Variants in EZH2 observed in about 807,000 individuals in gnomAD.
The protein encoded by EZH2 is enhancer of zeste 2 polycomb repressive complex 2 subunit, also known as histone-lysine N-methyltransferase EZH2.
A neutral mutation model predicts 98.4 loss-of-function variants in EZH2; 18 were observed. That is an observed-to-expected ratio of 0.18 (90% confidence interval 0.13 to 0.27). The LOEUF (loss-of-function observed/expected upper bound fraction) is 0.27, where lower values mean the gene tolerates loss of function less well. Among genes scored for constraint, EZH2 ranks in the 10% least tolerant of loss-of-function variants. The probability of loss-of-function intolerance (pLI) is 1.00; values close to 1 mark genes in which losing one functional copy is unlikely to be tolerated. For missense variants in EZH2, 470 were observed against 935.1 expected (o/e 0.50, Z 6.49); for synonymous variants, 338 against 312.3 (o/e 1.08, Z -0.87).
intron 4 of EZH2, among the ~76,000 whole-genome samples, chr7:148,832,410 G>A (rs1331192530): frequency 6.6e-6 from 1 of 152,052 alleles, no homozygotes; most frequent in Non-Finnish European, 1.5e-5. Flanking sequence ...CCTAGGTATG[G>A]TTACTGCTTA....
chr7:148,826,834 A>G (rs1228459446), intron 7 of EZH2, among the ~76,000 whole-genome samples: 1 of 152,252 alleles, frequency 6.6e-6, no homozygotes, highest in African/African-American at 2.4e-5. Flanking sequence ...ATTCAAATAT[A>G]TCATGGAAAA....
chr7:148,880,145 T>C (rs995522970), intron 1 of EZH2, among the ~76,000 whole-genome samples: 4 of 152,168 alleles, frequency 2.6e-5, no homozygotes, highest in Non-Finnish European at 5.9e-5. Context: ...CACAAATTTG[T>C]CATATTTTTA....
intron 1 of EZH2, chr7:148,876,043 G>C (rs1355057647): frequency 6.6e-6 from 1 of 152,046 alleles, no homozygotes; most frequent in Non-Finnish European, 1.5e-5. Flanking sequence ...ACATGCCTGT[G>C]GTCCTAGCTA....
In EZH2 at chr7:148,860,764, T is replaced by C. The variant is rs190682424; in HGVS notation, c.-7-13459A>G. On this transcript the variant is annotated intron_variant, in intron 1 of 19. Coordinates refer to ENST00000320356, the MANE Select transcript of EZH2 (RefSeq NM_004456.5). ...ACGGCTCACTACAGCCTCGCCCTCC[T>C]GGGCTTAGGTGATCCTCTCATCTCA... 5.7e-3 allele frequency among the ~76,000 whole-genome samples: 864 copies of C among 152,272 alleles called. 12 individuals are homozygous for C. Among genetic ancestry groups the C allele is most frequent in the African/African-American group, 0.019 (781 of 41,552 alleles).
intron 1 of EZH2, among the ~76,000 whole-genome samples, chr7:148,874,165 C>A (rs116787988): frequency 6.6e-6 from 1 of 152,160 alleles, no homozygotes; most frequent in Non-Finnish European, 1.5e-5. Context: ...ATGGGAACAT[C>A]GCTTGAGCTC....
intron 1 of EZH2, among the ~76,000 whole-genome samples, chr7:148,862,465 A>G (rs1026113740): frequency 1.3e-5 from 2 of 152,182 alleles, no homozygotes; most frequent in African/African-American, 4.8e-5. Flanking sequence ...GAAAGCCCAA[A>G]TGTTCTCTCT....
intron 1 of EZH2, among the ~76,000 whole-genome samples, chr7:148,872,526 G>C (rs976936264): frequency 6.6e-6 from 1 of 152,160 alleles, no homozygotes; most frequent in African/African-American, 2.4e-5. Flanking sequence ...GTTTGATTTA[G>C]AAACTACATG....
intron 9 of EZH2, 129 bp downstream of exon 9, chr7:148,819,467 G>C (rs1442830702): frequency 7.3e-6 from 5 of 686,984 alleles, no homozygotes; most frequent in African/African-American, 1.8e-5. Flanking sequence ...GCATGGGTGA[G>C]AAAGCTCTGT....
intron 12 of EZH2, among the ~76,000 whole-genome samples, chr7:148,816,107 CT>C (rs541460376): frequency 1.1e-3 from 162 of 152,260 alleles, no homozygotes; most frequent in Non-Finnish European, 1.4e-3. Context: ...AATTAGGTTT[CT>C]CATTTTTAAA....
chr7:148,856,800 A>G (rs1045906952), intron 1 of EZH2, among the ~76,000 whole-genome samples: 19 of 152,382 alleles, frequency 1.2e-4, no homozygotes, highest in Admixed American at 7.8e-4. Flanking sequence ...TCATGAGTCT[A>G]TGATATAAAT....
chr7:148,874,217 T>C (rs1563074562), intron 1 of EZH2, among the ~76,000 whole-genome samples: 4 of 152,084 alleles, frequency 2.6e-5, no homozygotes, highest in African/African-American at 9.7e-5. Context: ...TGAAACTCTG[T>C]CTCTAACAAA....
At chr7:148,838,158 T>G (rs1308106634) in intron 3 of EZH2, among the ~76,000 whole-genome samples, 1 of 141,676 alleles carries the variant, frequency 7.1e-6, no homozygotes, top group Non-Finnish European at 1.5e-5. Context: ...AGCCTCAAAC[T>G]CCTGGGCTCA....
chr7:148,867,320 C>A (rs1489129066), intron 1 of EZH2, among the ~76,000 whole-genome samples: 1 of 152,006 alleles, frequency 6.6e-6, no homozygotes, highest in Non-Finnish European at 1.5e-5. Flanking sequence ...GAGCAAAACT[C>A]CCATCTCAAA....
intron 8 of EZH2, among the ~76,000 whole-genome samples, chr7:148,826,179 A>C (rs964040572): frequency 5.3e-5 from 8 of 152,156 alleles, no homozygotes; most frequent in Admixed American, 1.3e-4. Flanking sequence ...TTTTATTGTA[A>C]AACAACTGCT....
At chr7:148,868,688 G>C (rs1773874077) in intron 1 of EZH2, among the ~76,000 whole-genome samples, 2 of 152,138 alleles carry the variant, frequency 1.3e-5, no homozygotes, top group Admixed American at 1.3e-4. Flanking sequence ...ATAGCCTCTA[G>C]GGTAGAAAAA....
At chr7:148,855,016 T>C (rs2129487131) in intron 1 of EZH2, among the ~76,000 whole-genome samples, 1 of 152,340 alleles carries the variant, frequency 6.6e-6, no homozygotes, top group Middle Eastern at 3.4e-3. Context: ...ATAGAAAACC[T>C]GTCCCTGTAA....
rs1393743486 is a variant in EZH2 at position 148,809,211 on chromosome 7, C to A, written c.2111-56G>T. On this transcript the variant is annotated intron_variant, in intron 18 of 19. Transcript: ENST00000320356. ...ATGAAGACGGGCCACGGGGGGTTAA[C>A]TGACTTGTTCACATAACAAACAACT... 6 of 1,588,716 alleles carry A rather than the reference C, an allele frequency of 3.8e-6. No homozygotes were observed. The African/African-American group carries it at 5.4e-5, about 14-fold the overall frequency.
Position 148,873,491 on chromosome 7 carries a change from CAAAA to C in EZH2, c.-8+10669_-8+10672del, listed in dbSNP as rs1162280467. Among the ~76,000 whole-genome samples the C allele has an allele frequency of 3.4e-4, 20 of 58,526 alleles. No individual in the cohort carries two copies. The South Asian group carries it at 9.5e-3, about 28-fold the overall frequency. 38.4% of individuals were successfully genotyped at this position (58,526 alleles called of 152,430 possible). ...TGGGTGACAGAGTGAGACTCTGTCT[CAAAA>C]AAAAAAAAAAAAAAAGAAAGATCAT... On this transcript the variant is annotated intron_variant, in intron 1 of 19. Transcript: ENST00000320356.
intron 19 of EZH2, 103 bp from the exon 20 acceptor site, chr7:148,807,809 G>C: frequency 2.7e-6 from 1 of 374,338 alleles, no homozygotes; most frequent in Non-Finnish European, 4.4e-6. Flanking sequence ...GCATTAAAAT[G>C]TCTTTAAAAA....
Sources: gnomAD v4.1 joint callset for allele counts (sites outside exome capture counted in the v4.1 genomes callset) on GRCh38, gnomAD v4.1.1 for gene constraint, MANE v1.5 for transcripts, NCBI Gene and HGNC (gene_info 2026-07-23, HGNC 2026-07-21) for gene names.